The following NRG3 variants were observed in gnomAD, a reference collection of about 807,000 sequenced individuals.
The protein encoded by NRG3 is pro-neuregulin-3, membrane-bound isoform.
NRG3 carries 31 observed loss-of-function variants against 66.9 expected under a neutral mutation model. That is an observed-to-expected ratio of 0.46 (90% CI 0.35 to 0.63). The LOEUF (loss-of-function observed/expected upper bound fraction) is 0.63. Ranked by LOEUF, NRG3 falls within the 20% of genes least tolerant of loss-of-function variation. The pLI is 0.00. For synonymous variants in NRG3, 393 were observed against 359.4 expected (o/e 1.09, Z -1.06); for missense variants, 910 against 878.9 (o/e 1.04, Z -0.45).
chr10:81,875,544 C>T lies in NRG3; in HGVS notation c.204C>T (p.Cys68=). ...GGAACCGGCAGCAGACGTGGCTGTG[C>T]GTGGTACCTCTGTTCATCGGCTTCA... The part of the protein sequence containing the change: ...IVWNRQQTWL[C]VVPLFIGFIG... Residue 68 remains cysteine, a synonymous_variant, in exon 1 of 9, where the codon TGC becomes TGT. Transcript: ENST00000372141. The surrounding 1 kb of genome is among the most constrained non-coding windows in gnomAD (Gnocchi z 5.3). The T allele has an allele frequency of 6.2e-7, 1 of 1,612,738 alleles. No homozygotes were observed.
intron 1 of NRG3, among the ~76,000 whole-genome samples, chr10:82,116,068 G>A (rs1027013872): frequency 1.3e-5 from 2 of 152,054 alleles, no homozygotes; most frequent in Admixed American, 6.6e-5. Context: ...ATCAAATTTT[G>A]TACAAGTAGA....
At chr10:82,472,218 T>G (rs1162798333) in intron 2 of NRG3, among the ~76,000 whole-genome samples, 2 of 152,204 alleles carry the variant, frequency 1.3e-5, no homozygotes, top group African/African-American at 2.4e-5. Context: ...TCCCAGAGCC[T>G]GGGGCATTGA....
At chr10:82,187,194 A>G (rs575185644) in intron 1 of NRG3, among the ~76,000 whole-genome samples, 82 of 152,330 alleles carry the variant, frequency 5.4e-4, no homozygotes, top group African/African-American at 1.9e-3. Flanking sequence ...GTGATGGAGT[A>G]ATATGACACA....
chr10:82,205,008 G>T (rs1031193244), intron 1 of NRG3, among the ~76,000 whole-genome samples: 12 of 152,128 alleles, frequency 7.9e-5, no homozygotes, highest in African/African-American at 2.7e-4. Flanking sequence ...CAGACAAGTT[G>T]GGAAATAATG....
intron 1 of NRG3, chr10:82,225,486 C>A (rs1166240061): frequency 6.6e-6 from 1 of 152,094 alleles, no homozygotes; most frequent in Non-Finnish European, 1.5e-5. Context: ...ATATACCAAG[C>A]CAGGGCACAG....
intron 1 of NRG3, among the ~76,000 whole-genome samples, chr10:82,040,813 G>T (rs2062999202): frequency 6.6e-6 from 1 of 151,990 alleles, no homozygotes; most frequent in South Asian, 2.1e-4. Flanking sequence ...TCCTCTCCCT[G>T]CCCCAGTATA....
chr10:82,388,603 T>C (rs1489257326), intron 2 of NRG3, among the ~76,000 whole-genome samples: 2 of 152,186 alleles, frequency 1.3e-5, no homozygotes, highest in African/African-American at 2.4e-5. Context: ...ATAACAAACA[T>C]CCTGGCCTCT....
At chr10:82,278,182 A>G (rs2078948488) in intron 1 of NRG3, among the ~76,000 whole-genome samples, 1 of 152,102 alleles carries the variant, frequency 6.6e-6, no homozygotes, top group Non-Finnish European at 1.5e-5. Context: ...CTCCAAGAAA[A>G]TGAACAGTTA....
intron 4 of NRG3, among the ~76,000 whole-genome samples, chr10:82,929,257 T>C (rs1225669403): frequency 6.6e-6 from 1 of 152,160 alleles, no homozygotes; most frequent in Non-Finnish European, 1.5e-5. Context: ...ACATGAAATA[T>C]CTTCTGCTTT....
intron 1 of NRG3, among the ~76,000 whole-genome samples, chr10:81,939,291 G>A (rs949458801): frequency 6.6e-6 from 1 of 152,130 alleles, no homozygotes; most frequent in Non-Finnish European, 1.5e-5. Context: ...CATAAAGTAA[G>A]TTTGAATGTT....
At chr10:82,831,082 T>C (rs1405910463) in intron 3 of NRG3, among the ~76,000 whole-genome samples, 1 of 152,202 alleles carries the variant, frequency 6.6e-6, no homozygotes, top group African/African-American at 2.4e-5. Context: ...CCCTCCTTTG[T>C]TCCCAGGAAC....
intron 6 of NRG3, among the ~76,000 whole-genome samples, chr10:82,965,134 C>G (rs1851087001): frequency 6.6e-6 from 1 of 152,192 alleles, no homozygotes; most frequent in Non-Finnish European, 1.5e-5. Context: ...AACACTTGAG[C>G]TAATGCTGAG....
At chr10:82,614,945 T>G (rs1468473842) in intron 2 of NRG3, among the ~76,000 whole-genome samples, 1 of 152,030 alleles carries the variant, frequency 6.6e-6, no homozygotes, top group Non-Finnish European at 1.5e-5. Flanking sequence ...CCGGGGACCA[T>G]GCTTTCAAGA....
At chr10:82,209,197 T>C (rs1048257706) in intron 1 of NRG3, among the ~76,000 whole-genome samples, 2 of 152,180 alleles carry the variant, frequency 1.3e-5, no homozygotes, top group Non-Finnish European at 2.9e-5. Context: ...ACAGCTAAAG[T>C]TAATCATTTC....
intron 4 of NRG3, among the ~76,000 whole-genome samples, chr10:82,923,689 G>A (rs1454360155): frequency 6.6e-6 from 1 of 151,704 alleles, no homozygotes; most frequent in African/African-American, 2.4e-5. Context: ...CAGGCAATTA[G>A]CATTAGGAAA....
intron 6 of NRG3, among the ~76,000 whole-genome samples, chr10:82,962,609 C>A (rs1170270439): frequency 5.9e-5 from 9 of 152,132 alleles, no homozygotes; most frequent in African/African-American, 1.9e-4. Context: ...GAGGCCAAAG[C>A]AGGTGGATCA....
In NRG3 at chr10:82,978,951, A is replaced by C. The variant is rs2295934; in HGVS notation, c.1414A>C (p.Ser472Arg). 2,331 of 1,613,590 alleles carry C rather than the reference A, an allele frequency of 1.4e-3. 55 individuals are homozygous for C. In the East Asian group the frequency reaches 0.039, roughly 27 times the overall value. The change falls in exon 8 of 9, where the codon AGT becomes CGT. Residue 472 changes from serine to arginine, a missense_variant and splice_region_variant. Physicochemically the swap from Ser to Arg is moderately radical, Grantham distance 110 (BLOSUM62 -1). Coordinates refer to ENST00000372141, the MANE Select transcript of NRG3 (RefSeq NM_001010848.4). ...TCTGTTTTCATTCCACCCCAGCAGG[A>C]GTCTATCCTCTTGCTGCAGCCCAGG... Reference protein sequence around the residue: ...RGSQSVKHHRSLSSCCSPGQR... With the variant: ...RGSQSVKHHRRLSSCCSPGQR...
chr10:82,621,169 A>G (rs1303985541), intron 2 of NRG3, among the ~76,000 whole-genome samples: 7 of 152,074 alleles, frequency 4.6e-5, no homozygotes, highest in Non-Finnish European at 8.8e-5. Flanking sequence ...AGGTTTGCGG[A>G]ACTTGAAGTA....
At chr10:82,010,244 A>G (rs527767769) in intron 1 of NRG3, among the ~76,000 whole-genome samples, 1 of 152,328 alleles carries the variant, frequency 6.6e-6, no homozygotes, top group East Asian at 1.9e-4. Context: ...GCCATTGGCC[A>G]AGGTCATAAA....
Sources: allele counts gnomAD v4.1 joint callset (sites outside exome capture counted in the v4.1 genomes callset), GRCh38; gene constraint gnomAD v4.1.1; non-coding constraint Gnocchi (gnomAD v3.1); transcripts MANE v1.5; gene names NCBI Gene and HGNC (gene_info 2026-07-23, HGNC 2026-07-21).